The following STXBP5L variants were observed in gnomAD, a reference collection of about 807,000 sequenced individuals.
STXBP5L encodes the protein syntaxin binding protein 5L.
A neutral mutation model predicts 144.5 loss-of-function variants in STXBP5L; 65 were observed. The observed-to-expected ratio is 0.45, with a 90% CI of 0.37 to 0.55. The LOEUF is 0.55. STXBP5L is among the 20% of genes least tolerant of loss of function. STXBP5L has a pLI of 0.00. For synonymous variants in STXBP5L, 505 were observed against 469.6 expected, an observed-to-expected ratio of 1.08 and a Z score of -0.97; for missense variants, 1,298 against 1,405.5, an observed-to-expected ratio of 0.92 and a Z score of 1.22.
Position 121,002,425 on chromosome 3 carries a change from G to C in STXBP5L, c.288-39275G>C, listed in dbSNP as rs375444180. Among the ~76,000 whole-genome samples the C allele has an allele frequency of 3.3e-5, 5 of 152,028 alleles. No individual in the cohort carries two copies. In the East Asian group the frequency reaches 7.7e-4, roughly 24 times the overall value. On this transcript the variant is annotated intron_variant, in intron 3 of 26. Transcript: ENST00000471454. ...GGTTTTTTTTGTTATTGAGTTATAT[G>C]AGTTTCTTTTATATATGCATATCAG...
At chr3:121,045,616 T>G (rs1341131596) in intron 5 of STXBP5L, 81 bp downstream of exon 5, 3 of 1,200,142 alleles carry the variant, frequency 2.5e-6, no homozygotes, top group African/African-American at 3.1e-5. Flanking sequence ...TTGACAGGCT[T>G]TTTTCCTCAT....
At chr3:120,965,173 C>G (rs182728400) in intron 3 of STXBP5L, among the ~76,000 whole-genome samples, 1 of 152,010 alleles carries the variant, frequency 6.6e-6, no homozygotes, top group Non-Finnish European at 1.5e-5. Context: ...CTATGTGTGT[C>G]TTTGCATATG....
At chr3:121,312,048 G>A (rs1255909873) in intron 19 of STXBP5L, among the ~76,000 whole-genome samples, 14 of 152,090 alleles carry the variant, frequency 9.2e-5, no homozygotes, top group East Asian at 3.9e-4. Context: ...GCATATCTAC[G>A]ACTGTCTGAT....
At chr3:121,360,135 C>T (rs920090206) in intron 20 of STXBP5L, among the ~76,000 whole-genome samples, 38 of 147,458 alleles carry the variant, frequency 2.6e-4, no homozygotes, top group South Asian at 8.6e-4. Context: ...CTGAATTGAC[C>T]CCTTCATTAT....
intron 5 of STXBP5L, among the ~76,000 whole-genome samples, chr3:121,112,899 G>A (rs1260927270): frequency 6.6e-6 from 1 of 152,088 alleles, no homozygotes; most frequent in African/African-American, 2.4e-5. Context: ...CAAATATACA[G>A]CAGAAGTGTT....
chr3:121,283,557 A>C (rs1190138873), intron 19 of STXBP5L, among the ~76,000 whole-genome samples: 1 of 151,976 alleles, frequency 6.6e-6, no homozygotes, highest in Non-Finnish European at 1.5e-5. Flanking sequence ...AATTTTATAA[A>C]ATTTCAGTTT....
At chr3:121,008,757 G>T (rs912109365) in intron 3 of STXBP5L, among the ~76,000 whole-genome samples, 16 of 151,854 alleles carry the variant, frequency 1.1e-4, no homozygotes, top group Non-Finnish European at 1.0e-4. Context: ...TGTCAACTGG[G>T]TCCTTTGGTT....
chr3:120,962,071 T>G (rs1420362018), intron 3 of STXBP5L, among the ~76,000 whole-genome samples: 1 of 152,248 alleles, frequency 6.6e-6, no homozygotes, highest in Non-Finnish European at 1.5e-5. Context: ...GTAAATGTCT[T>G]CTTTTGAGAA....
At chr3:121,061,037 T>C (rs1298961021) in intron 5 of STXBP5L, among the ~76,000 whole-genome samples, 2 of 152,194 alleles carry the variant, frequency 1.3e-5, no homozygotes, top group Non-Finnish European at 2.9e-5. Flanking sequence ...TTGCTCTTGC[T>C]TTTTTAGTTC....
chr3:121,184,940 C>G (rs1276520730), intron 9 of STXBP5L, among the ~76,000 whole-genome samples: 1 of 152,070 alleles, frequency 6.6e-6, no homozygotes, highest in Non-Finnish European at 1.5e-5. Flanking sequence ...AATTTTCAAC[C>G]CAGAATTTCA....
At position 120,925,783 on chromosome 3, in the gene STXBP5L, T is replaced by A. The variant is rs969431469; in HGVS notation, c.189+16016T>A. ...TTTTCTCTAGTAATATGTCTTAATT[T>A]GTTGCTTTTTATTTTTAGTGAAGCT... is the stretch of plus-strand genomic sequence containing the variant. On this transcript the variant is annotated intron_variant, in intron 2 of 26. Coordinates refer to ENST00000471454, the MANE Select transcript of STXBP5L (RefSeq NM_001308330.2). Among the ~76,000 whole-genome samples the A allele has an allele frequency of 3.3e-5, 5 of 152,356 alleles. No homozygotes were observed. In the East Asian group the frequency reaches 9.6e-4, roughly 29 times the overall value.
intron 5 of STXBP5L, among the ~76,000 whole-genome samples, chr3:121,090,149 C>T (rs1308816327): frequency 6.6e-6 from 1 of 152,004 alleles, no homozygotes; most frequent in Non-Finnish European, 1.5e-5. Context: ...CTGGACATTC[C>T]AGGCATTGTT....
intron 9 of STXBP5L, among the ~76,000 whole-genome samples, chr3:121,169,305 C>T (rs557344700): frequency 6.6e-5 from 10 of 152,152 alleles, no homozygotes; most frequent in Non-Finnish European, 1.0e-4. Context: ...AAACAGCCAG[C>T]GTCATAAAGA....
At chr3:121,053,316 G>T (rs547700067) in intron 5 of STXBP5L, among the ~76,000 whole-genome samples, 3 of 152,206 alleles carry the variant, frequency 2.0e-5, no homozygotes, top group Middle Eastern at 3.4e-3. Context: ...AAAGTCGGAG[G>T]CATCACACTC....
At chr3:121,365,277 AGATT>A (rs2045830484) in intron 20 of STXBP5L, among the ~76,000 whole-genome samples, 1 of 151,916 alleles carries the variant, frequency 6.6e-6, no homozygotes, top group South Asian at 2.1e-4. Context: ...CTGGCCTTAT[AGATT>A]GAGTTAGAAG....
At chr3:121,227,058 T>A (rs1243065087) in intron 11 of STXBP5L, among the ~76,000 whole-genome samples, 1 of 152,112 alleles carries the variant, frequency 6.6e-6, no homozygotes, top group Non-Finnish European at 1.5e-5. Context: ...AGATTTTTAT[T>A]TAACTTATAT....
At chr3:120,980,937 A>T (rs1941705947) in intron 3 of STXBP5L, among the ~76,000 whole-genome samples, 1 of 152,090 alleles carries the variant, frequency 6.6e-6, no homozygotes, top group East Asian at 1.9e-4. Context: ...TCTAGGAAAT[A>T]TTTTATTTTA....
At chr3:121,005,154 G>A (rs1255796576) in intron 3 of STXBP5L, among the ~76,000 whole-genome samples, 1 of 152,178 alleles carries the variant, frequency 6.6e-6, no homozygotes, top group Non-Finnish European at 1.5e-5. Context: ...AACTCTGGTA[G>A]AATTTGGCTG....
At chr3:121,417,050 A>G (rs2047255961) in intron 25 of STXBP5L, among the ~76,000 whole-genome samples, 1 of 152,200 alleles carries the variant, frequency 6.6e-6, no homozygotes, top group Non-Finnish European at 1.5e-5. Context: ...TTGCTAAGTG[A>G]AAGAAGCCAG....
Sources: allele counts gnomAD v4.1 joint callset (sites outside exome capture counted in the v4.1 genomes callset), GRCh38; gene constraint gnomAD v4.1.1; transcripts MANE v1.5; gene names NCBI Gene and HGNC (gene_info 2026-07-23, HGNC 2026-07-21).